Variants in RNF169 observed in about 807,000 individuals in gnomAD.
RNF169 encodes E3 ubiquitin-protein ligase RNF169.
In RNF169, 24 loss-of-function variants were observed where a neutral mutation model predicts 53.9. The ratio of observed to expected loss-of-function variants is 0.45; its 90% CI spans 0.32 to 0.63. RNF169 has a LOEUF of 0.63. Among genes scored for constraint, RNF169 ranks in the 20% least tolerant of loss-of-function variants. The pLI is 0.04. For synonymous variants in RNF169, 396 were observed against 363.5 expected (o/e 1.09, Z -1.02); for missense variants, 883 against 906.2 (o/e 0.97, Z 0.33).
chr11:74,752,848 CTT>C (rs2034921367), intron 1 of RNF169, among the ~76,000 whole-genome samples: 1 of 152,048 alleles, frequency 6.6e-6, no homozygotes, highest in African/African-American at 2.4e-5. Context: ...TGTTTCCTGT[CTT>C]TTGCTATTAT....
At chr11:74,798,857 T>A (rs2035687581) in intron 2 of RNF169, among the ~76,000 whole-genome samples, 1 of 152,036 alleles carries the variant, frequency 6.6e-6, no homozygotes, top group East Asian at 1.9e-4. Context: ...CGGGACAGAT[T>A]CCCTGATAGT....
chr11:74,759,930 C>T (rs996751176), intron 1 of RNF169, among the ~76,000 whole-genome samples: 1 of 150,964 alleles, frequency 6.6e-6, no homozygotes, highest in African/African-American at 2.4e-5. Context: ...GCTGTGAATC[C>T]ATCTGGTCCT....
At chr11:74,778,282 T>C (rs1418075233) in intron 1 of RNF169, among the ~76,000 whole-genome samples, 1 of 152,220 alleles carries the variant, frequency 6.6e-6, no homozygotes, top group African/African-American at 2.4e-5. Flanking sequence ...TCATTGCTCA[T>C]TCCCTCTTTA....
intron 2 of RNF169, 80 bp downstream of exon 2, chr11:74,789,779 C>G: frequency 1.1e-6 from 1 of 935,198 alleles, no homozygotes; most frequent in South Asian, 1.5e-5. Context: ...GGAGTTTTGA[C>G]CAGGTTTTAA....
chr11:74,799,880 G>A (rs1158725760), intron 2 of RNF169, among the ~76,000 whole-genome samples: 1 of 151,168 alleles, frequency 6.6e-6, no homozygotes, highest in Non-Finnish European at 1.5e-5. Flanking sequence ...ATGTTTAAAT[G>A]TTTATCAAAA....
intron 2 of RNF169, among the ~76,000 whole-genome samples, chr11:74,800,225 A>G (rs927544381): frequency 3.9e-5 from 6 of 152,112 alleles, no homozygotes; most frequent in African/African-American, 1.4e-4. Flanking sequence ...TTCAGTGATG[A>G]TTGTTCCTCT....
chr11:74,791,890 C>T (rs376719005), intron 2 of RNF169, among the ~76,000 whole-genome samples: 14 of 152,238 alleles, frequency 9.2e-5, no homozygotes, highest in African/African-American at 1.9e-4. Context: ...CTGCCGGCTC[C>T]GTGGAGCGTA....
intron 1 of RNF169, among the ~76,000 whole-genome samples, chr11:74,776,689 T>G (rs1024134494): frequency 2.0e-5 from 3 of 152,182 alleles, no homozygotes; most frequent in African/African-American, 7.2e-5. Context: ...TACAGGAAGC[T>G]AATGTAATTC....
At chr11:74,779,640 G>T (rs1464884582) in intron 1 of RNF169, among the ~76,000 whole-genome samples, 1 of 151,632 alleles carries the variant, frequency 6.6e-6, no homozygotes, top group Non-Finnish European at 1.5e-5. Context: ...TTTTTGGGGG[G>T]GTTCAATTCT....
chr11:74,796,848 C>T (rs965410579), intron 2 of RNF169, among the ~76,000 whole-genome samples: 3 of 152,096 alleles, frequency 2.0e-5, no homozygotes, highest in Non-Finnish European at 4.4e-5. Flanking sequence ...TTCCTCCGTT[C>T]TGGTTCTCTT....
At position 74,836,602 on chromosome 11, in the gene RNF169, G is replaced by T; in HGVS notation, c.1999G>T (p.Glu667Ter). The T allele has an allele frequency of 6.2e-7, 1 of 1,614,126 alleles. No individual in the cohort carries two copies. The highest frequency in any genetic ancestry group is 8.5e-7 in the Non-Finnish European group (1 of 1,180,040). ...REMEQKLQQE[E>*]EDRQLALQLQ... ...GATGGAGCAGAAGCTTCAGCAAGAG[G>T]AAGAAGACCGACAGTTGGCTCTGCA... The change falls in exon 6 of 6, where the codon GAA becomes TAA. Residue 667 changes from glutamate (E) to a stop codon, truncating the protein, a stop_gained. Transcript: ENST00000299563. LOFTEE classifies it high-confidence loss of function.
intron 1 of RNF169, among the ~76,000 whole-genome samples, chr11:74,758,532 C>T (rs543580812): frequency 8.8e-4 from 132 of 150,810 alleles, no homozygotes; most frequent in Admixed American, 2.5e-3. Flanking sequence ...GACGGAGTCT[C>T]GCTCTGTCAC....
intron 1 of RNF169, among the ~76,000 whole-genome samples, chr11:74,770,808 T>G (rs986516452): frequency 3.9e-5 from 6 of 152,142 alleles, no homozygotes; most frequent in African/African-American, 1.4e-4. Flanking sequence ...CGTTTTGTTT[T>G]GTTTTTGTTT....
At chr11:74,810,935 A>G (rs2035866700) in intron 3 of RNF169, among the ~76,000 whole-genome samples, 2 of 152,192 alleles carry the variant, frequency 1.3e-5, no homozygotes, top group South Asian at 4.1e-4. Flanking sequence ...GATAATCACA[A>G]TTGAGTTTTA....
intron 4 of RNF169, among the ~76,000 whole-genome samples, chr11:74,821,526 C>T (rs1326135904): frequency 2.6e-5 from 3 of 115,294 alleles, no homozygotes; most frequent in East Asian, 4.6e-4. Flanking sequence ...GGCGTAGTGG[C>T]GGGCGCCTGT....
chr11:74,793,075 G>A (rs1256061873), intron 2 of RNF169, among the ~76,000 whole-genome samples: 1 of 152,204 alleles, frequency 6.6e-6, no homozygotes, highest in Non-Finnish European at 1.5e-5. Context: ...ACTGATACAT[G>A]CTACCACATG....
intron 2 of RNF169, among the ~76,000 whole-genome samples, chr11:74,791,539 A>T (rs538855202): frequency 1.4e-4 from 21 of 152,210 alleles, no homozygotes; most frequent in Non-Finnish European, 2.8e-4. Context: ...TGGGGTGCCC[A>T]AAGTCTGGAG....
chr11:74,836,060 G>C lies in RNF169; in HGVS notation c.1457G>C (p.Gly486Ala), dbSNP rs745969428. The change falls in exon 6 of 6, where the codon GGT becomes GCT. Residue 486 changes from glycine (G) to alanine (A), a missense_variant. Transcript: ENST00000299563. ...PLVAVNTRLS[G>A]GQVLSEYTGP... ...GTGGCTGTAAATACAAGATTATCTG[G>C]TGGGCAGGTCCTCTCTGAGTATACT... The C allele has an allele frequency of 6.2e-7, 1 of 1,614,178 alleles. No individual in the cohort carries two copies. The highest frequency in any genetic ancestry group is 1.7e-5 in the Admixed American group (1 of 60,030).
intron 1 of RNF169, among the ~76,000 whole-genome samples, chr11:74,787,675 A>G (rs1034347079): frequency 6.6e-6 from 1 of 152,120 alleles, no homozygotes; most frequent in African/African-American, 2.4e-5. Context: ...GTGTGAGGAA[A>G]TGGCACTCCC....
Sources: gnomAD v4.1 joint callset for allele counts (sites outside exome capture counted in the v4.1 genomes callset) on GRCh38, gnomAD v4.1.1 for gene constraint, MANE v1.5 for transcripts, NCBI Gene and HGNC (gene_info 2026-07-23, HGNC 2026-07-21) for gene names.